The following DMD variants were observed in gnomAD, a reference collection of about 807,000 sequenced individuals.
DMD encodes mutant dystrophin.
A neutral mutation model predicts 330.1 loss-of-function variants in DMD; 63 were observed. The ratio of observed to expected loss-of-function variants is 0.19; its 90% CI spans 0.16 to 0.24. DMD has a LOEUF of 0.24. DMD is among the 10% of genes least tolerant of loss of function. The pLI is 1.00. For missense variants in DMD, 3,344 were observed against 2,684.1 expected, an observed-to-expected ratio of 1.25 and a Z score of -5.43; for synonymous variants, 1,223 against 959.8, an observed-to-expected ratio of 1.27 and a Z score of -5.07.
intron 1 of DMD, among the ~76,000 whole-genome samples, chrX:33,233,060 A>T (rs2052416722): frequency 9.0e-6 from 1 of 111,428 alleles, no homozygotes; most frequent in Non-Finnish European, 1.9e-5. Context: ...ATATATTTCA[A>T]AATTGCTGAA....
rs1420539865 is a variant in DMD, at chrX:31,790,528, A to G, written c.7310-16336T>C. Among the ~76,000 whole-genome samples the G allele has an allele frequency of 1.3e-4, 15 of 112,069 alleles. No individual in the cohort carries two copies. In the Admixed American group the frequency reaches 1.4e-3, roughly 11 times the overall value. On this transcript the variant is annotated intron_variant, in intron 50 of 78. Coordinates refer to ENST00000357033, the MANE Select transcript of DMD (RefSeq NM_004006.3). ...TATCAAAAACTTAGTTTTCAGTGCC[A>G]TGAAAATATAGGTTATAGTAACTTG... is the stretch of plus-strand genomic sequence containing the variant.
intron 1 of DMD, among the ~76,000 whole-genome samples, chrX:33,053,260 T>C (rs1465696356): frequency 3.6e-5 from 4 of 111,526 alleles, no homozygotes; most frequent in African/African-American, 1.3e-4. Context: ...GATAATGACA[T>C]GTAAACAGGA....
intron 2 of DMD, among the ~76,000 whole-genome samples, chrX:32,873,008 TCTC>T (rs1281373296): frequency 9.0e-6 from 1 of 111,399 alleles, no homozygotes; most frequent in African/African-American, 3.3e-5. Flanking sequence ...ATCAGGTAAA[TCTC>T]CTTCTCTCAC....
chrX:31,541,529 C>T (rs1211169121), intron 55 of DMD, among the ~76,000 whole-genome samples: 2 of 97,577 alleles, frequency 2.0e-5, no homozygotes, highest in Non-Finnish European at 4.2e-5. Context: ...TGATGTTCCC[C>T]ACCCTGTGTC....
At chrX:31,889,659 A>T (rs1217379641) in intron 47 of DMD, among the ~76,000 whole-genome samples, 3 of 75,812 alleles carry the variant, frequency 4.0e-5, no homozygotes, top group African/African-American at 1.2e-4. Flanking sequence ...ACACACACAC[A>T]CACACACACA....
At chrX:32,385,182 G>A (rs1484117651) in intron 33 of DMD, among the ~76,000 whole-genome samples, 1 of 110,795 alleles carries the variant, frequency 9.0e-6, no homozygotes, top group African/African-American at 3.3e-5. Flanking sequence ...GTAATTAAAA[G>A]AGCAGGATGG....
At chrX:32,412,573 T>C (rs970617067) in intron 29 of DMD, among the ~76,000 whole-genome samples, 1 of 111,921 alleles carries the variant, frequency 8.9e-6, no homozygotes, top group African/African-American at 3.2e-5. Flanking sequence ...TTAATCTTGA[T>C]TGTAACTATA....
chrX:32,822,864 T>G (rs1035445260), intron 5 of DMD, among the ~76,000 whole-genome samples: 1 of 111,303 alleles, frequency 9.0e-6, no homozygotes, highest in African/African-American at 3.3e-5. Flanking sequence ...ACACATTTAT[T>G]GATAGAGATA....
At chrX:32,400,665 C>A (rs1430268170) in intron 30 of DMD, among the ~76,000 whole-genome samples, 28 of 108,865 alleles carry the variant, frequency 2.6e-4, no homozygotes, top group East Asian at 8.7e-4. Flanking sequence ...GGCAATCATT[C>A]AAAAGTCAGG....
chrX:31,510,668 T>C (rs781773135), intron 55 of DMD, among the ~76,000 whole-genome samples: 37 of 109,013 alleles, frequency 3.4e-4, no homozygotes, highest in East Asian at 1.5e-3. Context: ...CCACCACGCC[T>C]GGCTAATTTT....
At chrX:32,535,566 C>A (rs968046330) in intron 17 of DMD, among the ~76,000 whole-genome samples, 1 of 111,706 alleles carries the variant, frequency 9.0e-6, no homozygotes, top group African/African-American at 3.3e-5. Flanking sequence ...AAAGCCCCAG[C>A]TTCTGAGCTC....
chrX:32,266,781 C>A (rs1030732970), intron 43 of DMD, among the ~76,000 whole-genome samples: 1 of 111,622 alleles, frequency 9.0e-6, no homozygotes, highest in Non-Finnish European at 1.9e-5. Context: ...CCTATGCAGC[C>A]AATAAATAGT....
At chrX:31,338,436 A>T (rs145901419) in intron 61 of DMD, among the ~76,000 whole-genome samples, 4,115 of 109,887 alleles carry the variant, frequency 0.037, 85 homozygotes, top group Non-Finnish European at 0.058. Context: ...ATTGCACTCC[A>T]GTTTGGGTGA....
chrX:32,011,828 C>T (rs1027902781), intron 44 of DMD, among the ~76,000 whole-genome samples: 24 of 111,890 alleles, frequency 2.1e-4, no homozygotes, highest in Admixed American at 2.8e-4. Context: ...TCATCACCTA[C>T]GGAATTAATT....
Position 32,230,770 on chromosome X carries a change from A to G in DMD, c.6291-13707T>C, listed in dbSNP as rs758822330. 2.7e-5 allele frequency among the ~76,000 whole-genome samples: 3 copies of G among 111,705 alleles called. No homozygotes were observed. The South Asian group carries it at 1.1e-3, about 41-fold the overall frequency. ...TTCTCATTTGTGAAATAGGCATAAT[A>G]TATATTTCACAGGGTTGTTATAAGA... On this transcript the variant is annotated intron_variant, in intron 43 of 78. Coordinates refer to ENST00000357033, the MANE Select transcript of DMD (RefSeq NM_004006.3).
chrX:31,145,948 T>A (rs1283573041), intron 76 of DMD, among the ~76,000 whole-genome samples: 2 of 111,967 alleles, frequency 1.8e-5, no homozygotes, highest in East Asian at 2.8e-4. Context: ...GGCGTGAGCC[T>A]CCACGCCCAG....
chrX:32,514,772 G>A (rs1393159375), intron 18 of DMD, among the ~76,000 whole-genome samples: 1 of 112,432 alleles, frequency 8.9e-6, no homozygotes, highest in Non-Finnish European at 1.9e-5. Flanking sequence ...ATGGAGTAAT[G>A]CCTGACAATG....
At chrX:31,201,158 TACACACACACACACAC>T (rs57235865) in intron 67 of DMD, among the ~76,000 whole-genome samples, 5 of 98,308 alleles carry the variant, frequency 5.1e-5, no homozygotes, top group Non-Finnish European at 8.1e-5. Context: ...AGAGACCCTG[TACACACACACACACAC>T]ACACACACAC....
At chrX:31,630,278 A>T (rs1235585418) in intron 54 of DMD, among the ~76,000 whole-genome samples, 1 of 112,261 alleles carries the variant, frequency 8.9e-6, no homozygotes, top group Non-Finnish European at 1.9e-5. Flanking sequence ...CAGGACAGTA[A>T]GAAACCATTT....
Sources: allele counts gnomAD v4.1 joint callset (sites outside exome capture counted in the v4.1 genomes callset), GRCh38; gene constraint gnomAD v4.1.1; transcripts MANE v1.5; gene names NCBI Gene and HGNC (gene_info 2026-07-23, HGNC 2026-07-21).